EXPH5: variants seen among roughly 807,000 people sequenced by gnomAD.
EXPH5 encodes the protein exophilin-5.
In EXPH5, 42 loss-of-function variants were observed where a neutral mutation model predicts 41.1. The observed-to-expected ratio is 1.02, with a 90% CI of 0.80 to 1.32. EXPH5 has a LOEUF of 1.32. EXPH5 is among the 40% of genes most tolerant of loss of function. The pLI is 0.00. For synonymous variants in EXPH5, 798 were observed against 833.5 expected (o/e 0.96, Z 0.73); for missense variants, 2,298 against 2,314.5 (o/e 0.99, Z 0.15).
chr11:108,570,933 C>T (rs546218373), intron 1 of EXPH5, among the ~76,000 whole-genome samples: 5 of 152,136 alleles, frequency 3.3e-5, no homozygotes, highest in East Asian at 1.9e-4. Flanking sequence ...GTTTTAGACA[C>T]GTGCAAGTTG....
At chr11:108,597,892 G>T (rs1291602565), upstream of EXPH5, among the ~76,000 whole-genome samples, 1 of 152,190 alleles carries the variant, frequency 6.6e-6, no homozygotes, top group Non-Finnish European at 1.5e-5. Context: ...GCCATGTGTG[G>T]CTTCATTCAA....
At chr11:108,551,005 C>A (rs1250438078) in intron 1 of EXPH5, among the ~76,000 whole-genome samples, 3 of 152,142 alleles carry the variant, frequency 2.0e-5, no homozygotes, top group African/African-American at 7.2e-5. Flanking sequence ...AACACCCTGT[C>A]TTCGGGTGAA....
At chr11:108,577,753 G>A (rs1396183992) in intron 1 of EXPH5, among the ~76,000 whole-genome samples, 1 of 152,142 alleles carries the variant, frequency 6.6e-6, no homozygotes, top group Non-Finnish European at 1.5e-5. Context: ...GGGGTGAAAT[G>A]ATATTTCATT....
upstream of EXPH5, among the ~76,000 whole-genome samples, chr11:108,596,812 G>A (rs2094139452): frequency 6.6e-6 from 1 of 152,198 alleles, no homozygotes; most frequent in South Asian, 2.1e-4. Flanking sequence ...AAATTTACAA[G>A]GCATTGGGGA....
intron 1 of EXPH5, among the ~76,000 whole-genome samples, chr11:108,571,246 G>A (rs1212445894): frequency 6.6e-6 from 1 of 152,184 alleles, no homozygotes; most frequent in Non-Finnish European, 1.5e-5. Flanking sequence ...CACAACCGTG[G>A]ATAGACATGA....
At chr11:108,555,061 G>A (rs1173543737) in intron 1 of EXPH5, among the ~76,000 whole-genome samples, 1 of 152,196 alleles carries the variant, frequency 6.6e-6, no homozygotes, top group Non-Finnish European at 1.5e-5. Flanking sequence ...ATCACAGCAT[G>A]ATCATGAGAA....
Position 108,512,449 on chromosome 11 carries a change from A to G in EXPH5, c.3058T>C (p.Cys1020Arg), listed in dbSNP as rs765563520. The G allele has an allele frequency of 3.1e-6, 5 of 1,613,388 alleles. No homozygotes were observed. The South Asian group carries it at 4.4e-5, about 14-fold the overall frequency. The change falls in exon 6 of 6, where the codon TGT becomes CGT. Residue 1020 changes from cysteine to arginine, a missense_variant. Transcript: ENST00000265843. ...SKVSELDTIY[C>R]TLPRKSSSFL... is the part of the protein sequence containing the mutation. ...CTGCTTGATTTTCTTGGCAAGGTAC[A>G]ATAAATTGTGTCAAGTTCAGAAACT...
At chr11:108,605,422 A>G in the EXPH5 span, among the ~76,000 whole-genome samples, 1 of 152,200 alleles carries the variant, frequency 6.6e-6, no homozygotes. Flanking sequence ...TTCTCAACTG[A>G]AGCTGATTTT....
intron 3 of EXPH5, among the ~76,000 whole-genome samples, chr11:108,537,216 T>C (rs570041513): frequency 1.8e-4 from 27 of 152,092 alleles, no homozygotes; most frequent in African/African-American, 6.5e-4. Context: ...AGGATTCATA[T>C]CCAAATATTT....
At chr11:108,523,051 A>G (rs2093775237) in intron 4 of EXPH5, among the ~76,000 whole-genome samples, 1 of 151,528 alleles carries the variant, frequency 6.6e-6, no homozygotes, top group African/African-American at 2.4e-5. Flanking sequence ...CTAATTTTTT[A>G]ATTTTTTGTA....
intron 1 of EXPH5, among the ~76,000 whole-genome samples, chr11:108,572,090 G>A (rs1031277078): frequency 1.3e-5 from 2 of 151,588 alleles, no homozygotes; most frequent in Non-Finnish European, 2.9e-5. Context: ...CTCAGTTTGA[G>A]CCAATGTGAG....
intron 3 of EXPH5, among the ~76,000 whole-genome samples, chr11:108,528,485 A>G (rs911982099): frequency 6.6e-6 from 1 of 152,106 alleles, no homozygotes; most frequent in African/African-American, 2.4e-5. Context: ...TGTTTGTTGC[A>G]CTGTTTATTC....
chr11:108,550,945 A>T (rs2093961505), intron 1 of EXPH5, among the ~76,000 whole-genome samples: 1 of 152,186 alleles, frequency 6.6e-6, no homozygotes, highest in Non-Finnish European at 1.5e-5. Context: ...CATCCAAATC[A>T]TTGGGAAATC....
At chr11:108,588,151 A>T (rs1404330049) in intron 1 of EXPH5, among the ~76,000 whole-genome samples, 2 of 152,250 alleles carry the variant, frequency 1.3e-5, no homozygotes, top group African/African-American at 4.8e-5. Flanking sequence ...TTTTAACAGT[A>T]TAAAGTCTTC....
At chr11:108,552,387 A>G (rs1489863891) in intron 1 of EXPH5, among the ~76,000 whole-genome samples, 1 of 152,230 alleles carries the variant, frequency 6.6e-6, no homozygotes, top group African/African-American at 2.4e-5. Flanking sequence ...GGGTAAAGTT[A>G]AATCATACAC....
At position 108,513,438 on chromosome 11, in the gene EXPH5, G is replaced by C. The variant is rs1489883486; in HGVS notation, c.2069C>G (p.Pro690Arg). 6.2e-7 allele frequency: 1 copy of C among 1,613,272 alleles called. No individual in the cohort carries two copies. The highest frequency in any genetic ancestry group is 8.5e-7 in the Non-Finnish European group (1 of 1,179,746). Residue 690 changes from proline to arginine, a missense_variant, in exon 6 of 6, where the codon CCC (proline) becomes CGC (arginine). By Grantham distance (103) the Pro-to-Arg change is moderately radical (BLOSUM62 -2). Coordinates refer to ENST00000265843, the MANE Select transcript of EXPH5 (RefSeq NM_015065.3). ...VDSLPLAKSQ[P>R]NILVTEVNNE... ...ATTTACTTCTGTGACCAAGATATTG[G>C]GCTGGCTTTTGGCAAGAGGCAGAGA...
At chr11:108,554,107 A>G (rs1050341481) in intron 1 of EXPH5, among the ~76,000 whole-genome samples, 2 of 148,072 alleles carry the variant, frequency 1.4e-5, no homozygotes, top group Non-Finnish European at 3.0e-5. Context: ...TCTGTTGCAC[A>G]GGCTGGAGTG....
Position 108,592,722 on chromosome 11 carries a change from A to T in EXPH5, c.119+696T>A, listed in dbSNP as rs1361595826. 3.3e-5 allele frequency among the ~76,000 whole-genome samples: 5 copies of T among 152,298 alleles called. No homozygotes were observed. In the East Asian group the frequency reaches 9.7e-4, roughly 29 times the overall value. ...ACAACAGTGTATAGTAAGGTCAAGGATGAAATTTCTCAGAAACTCGCTCCC... is the reference window on the plus strand; with the variant it reads ...ACAACAGTGTATAGTAAGGTCAAGGTTGAAATTTCTCAGAAACTCGCTCCC... On this transcript the variant is annotated intron_variant, in intron 1 of 5. Coordinates refer to ENST00000265843, the MANE Select transcript of EXPH5 (RefSeq NM_015065.3).
In EXPH5 at chr11:108,510,833, T is replaced by A. The variant is rs1446506805; in HGVS notation, c.4674A>T (p.Glu1558Asp). The change falls in exon 6 of 6, where the codon GAA becomes GAT. Residue 1558 changes from glutamate to aspartate, a missense_variant. Coordinates refer to ENST00000265843, the MANE Select transcript of EXPH5 (RefSeq NM_015065.3). ...GTTGATCCCAAGCTGACTTCTGCAT[T>A]TCATCTTCAGCCTTCCTGCTCTCTG... Reference protein sequence around the residue: ...NMTESRKAEDEMQKSAWDQPS... With the variant: ...NMTESRKAEDDMQKSAWDQPS... The A allele has an allele frequency of 5.6e-6, 9 of 1,614,230 alleles. No individual in the cohort carries two copies. The highest frequency in any genetic ancestry group is 7.6e-6 in the Non-Finnish European group (9 of 1,180,044).
Sources: gnomAD v4.1 joint callset for allele counts (sites outside exome capture counted in the v4.1 genomes callset) on GRCh38, gnomAD v4.1.1 for gene constraint, MANE v1.5 for transcripts, NCBI Gene and HGNC (gene_info 2026-07-23, HGNC 2026-07-21) for gene names.